The following NAALAD2 variants were observed in gnomAD, a reference collection of about 807,000 sequenced individuals.
NAALAD2 encodes the protein N-acetylated alpha-linked acidic dipeptidase 2.
Under a neutral mutation model 95.6 loss-of-function variants are expected in NAALAD2, and 89 were observed. That is an observed-to-expected ratio of 0.93 (90% CI 0.78 to 1.11). NAALAD2 has a LOEUF of 1.11. Ranked by LOEUF, NAALAD2 falls within the 50% of genes least tolerant of loss-of-function variation. The pLI, the probability that NAALAD2 is intolerant of heterozygous loss-of-function variation, is 0.00. For missense variants in NAALAD2, 894 were observed against 872.4 expected (o/e 1.02, Z -0.31); for synonymous variants, 264 against 294.4 (o/e 0.90, Z 1.06).
Position 90,182,926 on chromosome 11 carries a change from G to A in NAALAD2, c.1951G>A (p.Val651Met). 6 of 1,609,766 alleles carry A rather than the reference G, an allele frequency of 3.7e-6. No homozygotes were observed. The highest frequency in any genetic ancestry group is 5.1e-6 in the Non-Finnish European group (6 of 1,176,582). ...IQVDLNNPIA[V>M]RMMNDQLMLL... is the part of the protein sequence containing the mutation. ...ATGTTCTTCTCGAAGTCCCATTGCA[G>A]TGAGAATGATGAATGACCAACTGAT... The change falls in exon 18 of 19, where the codon GTG (valine) becomes ATG (methionine). Residue 651 changes from valine to methionine, a missense_variant. Coordinates refer to ENST00000534061, the MANE Select transcript of NAALAD2 (RefSeq NM_005467.4).
chr11:90,151,455 T>C (rs370087577), intron 5 of NAALAD2, among the ~76,000 whole-genome samples: 1 of 152,188 alleles, frequency 6.6e-6, no homozygotes, highest in African/African-American at 2.4e-5. Context: ...TTACAAATAA[T>C]TTAATTGTGA....
chr11:90,187,680 A>G (rs1857195045), intron 18 of NAALAD2, among the ~76,000 whole-genome samples: 1 of 152,206 alleles, frequency 6.6e-6, no homozygotes, highest in Non-Finnish European at 1.5e-5. Context: ...TGTAAATCTT[A>G]TAAAACCTCT....
intron 18 of NAALAD2, among the ~76,000 whole-genome samples, chr11:90,185,858 C>CTT (rs375865674): frequency 0.025 from 3,265 of 133,066 alleles, 113 homozygotes; most frequent in African/African-American, 0.076. Flanking sequence ...AGGGTAAACA[C>CTT]TTTTTTTTTT....
At chr11:90,162,765 T>C (rs535792555) in intron 8 of NAALAD2, 184 bp from the exon 9 acceptor site, 108 of 401,824 alleles carry the variant, frequency 2.7e-4, no homozygotes, top group Non-Finnish European at 4.3e-4. Flanking sequence ...GTCTGTACCT[T>C]ACTTGCAAAT....
intron 15 of NAALAD2, among the ~76,000 whole-genome samples, chr11:90,177,176 A>C (rs183585136): frequency 6.6e-6 from 1 of 152,202 alleles, no homozygotes; most frequent in Admixed American, 6.5e-5. Context: ...GGATACTACT[A>C]TGTAATAATT....
intron 2 of NAALAD2, among the ~76,000 whole-genome samples, chr11:90,142,277 A>G (rs1027691834): frequency 3.9e-5 from 6 of 152,244 alleles, no homozygotes; most frequent in Middle Eastern, 3.4e-3. Context: ...ACGAATGCGA[A>G]ATTGTCTATT....
At chr11:90,139,531 C>T (rs757079809) in intron 2 of NAALAD2, among the ~76,000 whole-genome samples, 2 of 152,148 alleles carry the variant, frequency 1.3e-5, no homozygotes, top group Non-Finnish European at 2.9e-5. Flanking sequence ...CATCTGAAGA[C>T]TTGTCTACTG....
intron 13 of NAALAD2, among the ~76,000 whole-genome samples, chr11:90,171,110 A>G: frequency 6.6e-6 from 1 of 152,230 alleles, no homozygotes; most frequent in East Asian, 1.9e-4. Flanking sequence ...AGATATTTTA[A>G]GAACTCTAAA....
intron 11 of NAALAD2, among the ~76,000 whole-genome samples, chr11:90,167,122 C>CT (rs1220786620): frequency 5.1e-4 from 77 of 152,236 alleles, no homozygotes; most frequent in Non-Finnish European, 7.3e-4. Context: ...CGCCGCTGCA[C>CT]TGTGGGAGCC....
At chr11:90,189,413 A>G (rs1435708448) in intron 18 of NAALAD2, among the ~76,000 whole-genome samples, 1 of 152,120 alleles carries the variant, frequency 6.6e-6, no homozygotes, top group Non-Finnish European at 1.5e-5. Flanking sequence ...CTTTTTTGCA[A>G]ACATCAAGTG....
intron 2 of NAALAD2, among the ~76,000 whole-genome samples, chr11:90,140,634 G>A (rs1055653101): frequency 2.0e-5 from 3 of 151,988 alleles, no homozygotes; most frequent in Non-Finnish European, 2.9e-5. Flanking sequence ...TGTTGGAAAT[G>A]CAGTGAACAA....
At chr11:90,156,241 T>C (rs535499002) in intron 6 of NAALAD2, among the ~76,000 whole-genome samples, 35 of 152,224 alleles carry the variant, frequency 2.3e-4, no homozygotes, top group African/African-American at 7.9e-4. Context: ...TTTTTAAATT[T>C]AAATAGAGAC....
At chr11:90,136,114 G>GT (rs913340233) in intron 2 of NAALAD2, among the ~76,000 whole-genome samples, 1 of 152,060 alleles carries the variant, frequency 6.6e-6, no homozygotes, top group African/African-American at 2.4e-5. Context: ...GTATAAATTT[G>GT]TTTTTTACAA....
intron 13 of NAALAD2, among the ~76,000 whole-genome samples, chr11:90,171,754 G>A (rs1952644784): frequency 6.6e-6 from 1 of 152,180 alleles, no homozygotes; most frequent in African/African-American, 2.4e-5. Flanking sequence ...GGTGACTTGA[G>A]GATAGTGTAG....
chr11:90,188,611 CTTTTA>C (rs1248550815), intron 18 of NAALAD2, among the ~76,000 whole-genome samples: 2 of 152,166 alleles, frequency 1.3e-5, no homozygotes, highest in East Asian at 1.9e-4. Flanking sequence ...TCTTCATTCT[CTTTTA>C]TAAGGGCTCT....
intron 15 of NAALAD2, among the ~76,000 whole-genome samples, chr11:90,177,103 G>A (rs1952814228): frequency 6.6e-6 from 1 of 151,818 alleles, no homozygotes; most frequent in African/African-American, 2.4e-5. Flanking sequence ...CATACAAGGT[G>A]GCAAATAATA....
At chr11:90,188,678 G>T (rs897327250) in intron 18 of NAALAD2, among the ~76,000 whole-genome samples, 6 of 152,094 alleles carry the variant, frequency 3.9e-5, no homozygotes, top group African/African-American at 1.4e-4. Context: ...ACGAATTTGG[G>T]GAATGAACAC....
intron 11 of NAALAD2, among the ~76,000 whole-genome samples, chr11:90,166,869 A>C (rs1271021388): frequency 6.7e-6 from 1 of 149,168 alleles, no homozygotes; most frequent in Non-Finnish European, 1.5e-5. Flanking sequence ...GCAGATTTCC[A>C]CCCGGCACGG....
At chr11:90,131,806 ATGGAGGAAG>A (rs1951356610), upstream of NAALAD2, 1 of 152,184 alleles carries the variant, frequency 6.6e-6, no homozygotes, top group Admixed American at 6.5e-5. Flanking sequence ...TTTAACTTAA[ATGGAGGAAG>A]TGGTGAGTTT....
Sources: gnomAD v4.1 joint callset for allele counts (sites outside exome capture counted in the v4.1 genomes callset) on GRCh38, gnomAD v4.1.1 for gene constraint, MANE v1.5 for transcripts, NCBI Gene and HGNC (gene_info 2026-07-23, HGNC 2026-07-21) for gene names.